Variants in CNTNAP2 observed in about 807,000 individuals in gnomAD.
CNTNAP2 encodes contactin associated protein 2.
CNTNAP2 carries 98 observed loss-of-function variants against 155.2 expected under a neutral mutation model. The observed-to-expected ratio is 0.63, with a 90% CI of 0.54 to 0.75. The LOEUF is 0.75. Among genes scored for constraint, CNTNAP2 ranks in the 30% least tolerant of loss-of-function variants. CNTNAP2 has a pLI of 0.00. For missense variants in CNTNAP2, 1,727 were observed against 1,688.1 expected, an observed-to-expected ratio of 1.02 and a Z score of -0.40; for synonymous variants, 651 against 631.2, an observed-to-expected ratio of 1.03 and a Z score of -0.47.
chr7:146,389,223 TCACA>T (rs3050929), intron 1 of CNTNAP2, among the ~76,000 whole-genome samples: 7,860 of 132,956 alleles, frequency 0.059, 690 homozygotes, highest in African/African-American at 0.22. Context: ...TAGGAAATAG[TCACA>T]CACACACACA....
At chr7:148,259,178 T>TAA in intron 20 of CNTNAP2, among the ~76,000 whole-genome samples, 2 of 18,156 alleles carry the variant, frequency 1.1e-4, no homozygotes, top group Non-Finnish European at 1.9e-4. Context: ...AAACTCCGTC[T>TAA]TAAAAAAAAA....
chr7:147,882,824 A>G (rs1024569709), intron 13 of CNTNAP2, among the ~76,000 whole-genome samples: 2 of 152,164 alleles, frequency 1.3e-5, no homozygotes, highest in Admixed American at 6.5e-5. Flanking sequence ...ATGAAAGTGC[A>G]TAGAACCTAG....
chr7:146,497,154 T>G (rs983085968), intron 1 of CNTNAP2, among the ~76,000 whole-genome samples: 3 of 152,202 alleles, frequency 2.0e-5, no homozygotes, highest in African/African-American at 7.2e-5. Context: ...CACTTCTACT[T>G]ATTGAATCTG....
At chr7:146,228,617 T>C (rs1481442154) in intron 1 of CNTNAP2, among the ~76,000 whole-genome samples, 2 of 152,208 alleles carry the variant, frequency 1.3e-5, no homozygotes, top group African/African-American at 4.8e-5. Flanking sequence ...GAATGAGTAC[T>C]ACAGAATTTT....
At chr7:147,025,313 AGGGGTGGGGGGCAGGGAGAAGAAAGG>A (rs1798884261) in intron 3 of CNTNAP2, among the ~76,000 whole-genome samples, 1 of 51,098 alleles carries the variant, frequency 2.0e-5, no homozygotes, top group African/African-American at 8.4e-5. Flanking sequence ...AGGAGAGGGG[AGGGGTGGGGGGCAGGGAGAAGAAAGG>A]GGGGAGGGGA....
chr7:146,964,893 T>TGGCCAGATTTGGTCTAGG (rs11271441), intron 3 of CNTNAP2, among the ~76,000 whole-genome samples: 1 of 151,924 alleles, frequency 6.6e-6, no homozygotes. Context: ...AACAGGTGAC[T>TGGCCAGATTTGGTCTAGG]GGCCAGAGTT....
In CNTNAP2 at chr7:146,177,188, T is replaced by G. The variant is rs116924825; in HGVS notation, c.97+60215T>G. Among the ~76,000 whole-genome samples the G allele has an allele frequency of 9.9e-4, 151 of 152,328 alleles. 2 individuals are homozygous for G. In the East Asian group the frequency reaches 0.025, roughly 26 times the overall value. On this transcript the variant is annotated intron_variant, in intron 1 of 23. Transcript: ENST00000361727. ...CTAATGTCTACAGCATTTCCTGAAT[T>G]TTACATCTGGACAGTATTGAAGGGC...
chr7:146,831,903 A>G (rs1014837661), intron 2 of CNTNAP2, among the ~76,000 whole-genome samples: 1 of 152,152 alleles, frequency 6.6e-6, no homozygotes, highest in Non-Finnish European at 1.5e-5. Flanking sequence ...TGCTTAAAAA[A>G]TAGCTTTCAA....
At chr7:147,067,000 AG>A (rs879419130) in intron 4 of CNTNAP2, among the ~76,000 whole-genome samples, 2 of 152,094 alleles carry the variant, frequency 1.3e-5, no homozygotes, top group Admixed American at 1.3e-4. Context: ...TCACTTCTTA[AG>A]GTGGGACTAG....
At position 147,213,809 on chromosome 7, in the gene CNTNAP2, G is replaced by C. The variant is rs538844079; in HGVS notation, c.1348+81300G>C. On this transcript the variant is annotated intron_variant, in intron 8 of 23. Coordinates refer to ENST00000361727, the MANE Select transcript of CNTNAP2 (RefSeq NM_014141.6). Reference sequence around the variant, plus strand: ...AAACCTATGACATAACTCTCAGTCTGAGTCTGAAGGCCTGAGAACTCAGGG... The same window carrying C: ...AAACCTATGACATAACTCTCAGTCTCAGTCTGAAGGCCTGAGAACTCAGGG... Among the ~76,000 whole-genome samples the C allele has an allele frequency of 2.0e-5, 3 of 152,208 alleles. No individual in the cohort carries two copies. In the South Asian group the frequency reaches 6.2e-4, roughly 32 times the overall value.
chr7:148,326,187 A>G (rs1283754244), intron 21 of CNTNAP2, among the ~76,000 whole-genome samples: 1 of 152,028 alleles, frequency 6.6e-6, no homozygotes, highest in Non-Finnish European at 1.5e-5. Context: ...ACAGCCAACA[A>G]TGAGAAATGT....
intron 3 of CNTNAP2, among the ~76,000 whole-genome samples, chr7:146,883,452 A>G (rs994818939): frequency 6.6e-6 from 1 of 152,178 alleles, no homozygotes; most frequent in Non-Finnish European, 1.5e-5. Flanking sequence ...GGGAAGATTT[A>G]CACATGTGTG....
At chr7:146,643,605 C>G (rs1799753076) in intron 1 of CNTNAP2, among the ~76,000 whole-genome samples, 1 of 152,100 alleles carries the variant, frequency 6.6e-6, no homozygotes, top group Non-Finnish European at 1.5e-5. Flanking sequence ...ATGCCTCCAG[C>G]TTTGTTCTTT....
intron 1 of CNTNAP2, among the ~76,000 whole-genome samples, chr7:146,592,351 A>C (rs2129149715): frequency 6.6e-6 from 1 of 152,334 alleles, no homozygotes; most frequent in South Asian, 2.1e-4. Context: ...CCCTTTAGAT[A>C]TTTGGTTAGT....
intron 1 of CNTNAP2, among the ~76,000 whole-genome samples, chr7:146,325,000 C>A (rs976667273): frequency 6.6e-6 from 1 of 152,124 alleles, no homozygotes; most frequent in Non-Finnish European, 1.5e-5. Flanking sequence ...AGTGGCACAG[C>A]AATGGCTCAC....
At chr7:147,363,957 G>A (rs1030162199) in intron 9 of CNTNAP2, among the ~76,000 whole-genome samples, 18 of 152,112 alleles carry the variant, frequency 1.2e-4, no homozygotes, top group African/African-American at 2.4e-4. Context: ...AACAGTTGGC[G>A]TATGCTAGTT....
intron 1 of CNTNAP2, among the ~76,000 whole-genome samples, chr7:146,467,719 C>G (rs142331223): frequency 1.1e-3 from 163 of 152,154 alleles, no homozygotes; most frequent in African/African-American, 3.8e-3. Flanking sequence ...AATACAAATT[C>G]TGTGCATCTC....
intron 1 of CNTNAP2, among the ~76,000 whole-genome samples, chr7:146,229,061 A>AT (rs1168865500): frequency 5.3e-5 from 8 of 152,320 alleles, no homozygotes; most frequent in Admixed American, 3.9e-4. Context: ...ATAAAACTAT[A>AT]TATCTTTCAG....
At chr7:147,992,910 C>T (rs915090165) in intron 15 of CNTNAP2, among the ~76,000 whole-genome samples, 2 of 151,878 alleles carry the variant, frequency 1.3e-5, no homozygotes, top group African/African-American at 4.8e-5. Flanking sequence ...GGTAGATTAC[C>T]CTAATCGATT....
Sources: gnomAD v4.1 joint callset for allele counts (sites outside exome capture counted in the v4.1 genomes callset) on GRCh38, gnomAD v4.1.1 for gene constraint, MANE v1.5 for transcripts, NCBI Gene and HGNC (gene_info 2026-07-23, HGNC 2026-07-21) for gene names.